Variants in COL4A5 observed in about 807,000 individuals in gnomAD.
COL4A5 encodes the protein collagen type IV alpha 5 chain.
In COL4A5, 26 loss-of-function variants were observed where a neutral mutation model predicts 130.2. The observed-to-expected ratio is 0.20, with a 90% CI of 0.15 to 0.28. COL4A5 has a LOEUF of 0.28. Ranked by LOEUF, COL4A5 falls within the 10% of genes least tolerant of loss-of-function variation. The pLI, the probability that COL4A5 is intolerant of heterozygous loss-of-function variation, is 1.00. For missense variants in COL4A5, 1,131 were observed against 1,344.3 expected (o/e 0.84, Z 2.48); for synonymous variants, 496 against 439.6 (o/e 1.13, Z -1.60).
chrX:108,542,533 G>C (rs2065561663), intron 2 of COL4A5, among the ~76,000 whole-genome samples: 1 of 110,958 alleles, frequency 9.0e-6, no homozygotes, highest in East Asian at 2.8e-4. Flanking sequence ...TTGGTTCCAA[G>C]TCTTTGCTAT....
intron 1 of COL4A5, among the ~76,000 whole-genome samples, chrX:108,526,652 CTTTCTTTCTTCT>C (rs2065323058): frequency 3.7e-5 from 2 of 53,502 alleles, no homozygotes; most frequent in Non-Finnish European, 5.9e-5. Flanking sequence ...TTCTTTCTTT[CTTTCTTTCTTCT>C]TTCTTTCTCT....
intron 1 of COL4A5, among the ~76,000 whole-genome samples, chrX:108,449,091 G>A (rs2064481410): frequency 8.9e-6 from 1 of 111,890 alleles, no homozygotes. Context: ...ATATGTATAT[G>A]CCTACACCAG....
intron 41 of COL4A5, 52 bp downstream of exon 41, chrX:108,668,556 G>A (rs1216524342): frequency 9.1e-6 from 9 of 989,184 alleles, no homozygotes; most frequent in African/African-American, 1.9e-5. Context: ...CATGTATTTC[G>A]TTTTGCTGGC....
At chrX:108,624,810 C>T (rs2067121577) in intron 34 of COL4A5, among the ~76,000 whole-genome samples, 1 of 111,152 alleles carries the variant, frequency 9.0e-6, no homozygotes, top group Admixed American at 9.6e-5. Context: ...TCTTGGTAGT[C>T]AGTTACAGCA....
At chrX:108,477,937 A>G (rs1176319014) in intron 1 of COL4A5, among the ~76,000 whole-genome samples, 2 of 110,660 alleles carry the variant, frequency 1.8e-5, no homozygotes, top group Admixed American at 9.6e-5. Flanking sequence ...CCTATTCTGT[A>G]TTCCCTTTGC....
At chrX:108,528,511 A>G (rs1164870724) in intron 1 of COL4A5, among the ~76,000 whole-genome samples, 1 of 112,786 alleles carries the variant, frequency 8.9e-6, no homozygotes, top group East Asian at 2.8e-4. Flanking sequence ...TAATTCTACA[A>G]CAATAGATCT....
chrX:108,606,986 G>A, intron 29 of COL4A5, 94 bp downstream of exon 29: 1 of 908,752 alleles, frequency 1.1e-6, no homozygotes, highest in South Asian at 2.0e-5. Context: ...CCAATTAACT[G>A]GAAACCCTAT....
intron 1 of COL4A5, among the ~76,000 whole-genome samples, chrX:108,450,825 G>A (rs1338037383): frequency 9.1e-6 from 1 of 110,225 alleles, no homozygotes; most frequent in Non-Finnish European, 1.9e-5. Context: ...AAAAAAGCTA[G>A]TTTTTTTATT....
chrX:108,664,079 G>T, intron 37 of COL4A5, among the ~76,000 whole-genome samples: 1 of 111,350 alleles, frequency 9.0e-6, no homozygotes, highest in Non-Finnish European at 1.9e-5. Context: ...TAGCTACTCG[G>T]GAGGCTGAGG....
At chrX:108,632,073 A>G (rs1406418015) in intron 36 of COL4A5, among the ~76,000 whole-genome samples, 1 of 111,481 alleles carries the variant, frequency 9.0e-6, no homozygotes, top group East Asian at 2.8e-4. Context: ...ACATTGATAG[A>G]CCGCTAGCAA....
chrX:108,496,185 G>A (rs189641202), intron 1 of COL4A5, among the ~76,000 whole-genome samples: 171 of 112,088 alleles, frequency 1.5e-3, no homozygotes, highest in African/African-American at 5.4e-3. Flanking sequence ...TTCTTCTAAT[G>A]TATGCATTTA....
chrX:108,536,857 T>C (rs1355047949), intron 1 of COL4A5, among the ~76,000 whole-genome samples: 2 of 111,609 alleles, frequency 1.8e-5, no homozygotes, highest in East Asian at 5.6e-4. Flanking sequence ...AGCCAAAGAG[T>C]ATGGAAATGA....
chrX:108,572,272 G>A (rs1477400222), intron 8 of COL4A5, among the ~76,000 whole-genome samples: 1 of 111,211 alleles, frequency 9.0e-6, no homozygotes, highest in Non-Finnish European at 1.9e-5. Flanking sequence ...TCCCTGCAAT[G>A]CCCAGAAATA....
chrX:108,492,260 A>G (rs2064999422), intron 1 of COL4A5, among the ~76,000 whole-genome samples: 1 of 111,773 alleles, frequency 8.9e-6, no homozygotes, highest in African/African-American at 3.3e-5. Flanking sequence ...TTGTTGTTCC[A>G]GGCGTTTTAG....
At chrX:108,527,946 G>T (rs1202290831) in intron 1 of COL4A5, among the ~76,000 whole-genome samples, 2 of 111,658 alleles carry the variant, frequency 1.8e-5, no homozygotes, top group Non-Finnish European at 3.8e-5. Flanking sequence ...ACAATTGTCC[G>T]TCCACTGCTA....
chrX:108,516,517 A>G (rs2065222503), intron 1 of COL4A5, among the ~76,000 whole-genome samples: 1 of 111,941 alleles, frequency 8.9e-6, no homozygotes, highest in Non-Finnish European at 1.9e-5. Context: ...AAGATAATGA[A>G]ACACAGGATA....
At chrX:108,685,980 A>G in intron 47 of COL4A5, 51 bp from the exon 48 acceptor site, 1 of 1,014,351 alleles carries the variant, frequency 9.9e-7, no homozygotes, top group South Asian at 1.9e-5. Context: ...AGATCTGTCC[A>G]GATGTGAAAA....
At chrX:108,622,420 C>T (rs974050245) in intron 32 of COL4A5, among the ~76,000 whole-genome samples, 1 of 112,100 alleles carries the variant, frequency 8.9e-6, no homozygotes, top group Non-Finnish European at 1.9e-5. Flanking sequence ...CTTGAGCCAC[C>T]GTGCCCGTCT....
chrX:108,609,209 C>A (rs750794868), intron 29 of COL4A5, among the ~76,000 whole-genome samples: 56 of 111,789 alleles, frequency 5.0e-4, no homozygotes, highest in Non-Finnish European at 5.1e-4. Context: ...AACTACTAGA[C>A]CTTTTTCCAA....
Sources: gnomAD v4.1 joint callset for allele counts (sites outside exome capture counted in the v4.1 genomes callset) on GRCh38, gnomAD v4.1.1 for gene constraint, MANE v1.5 for transcripts, NCBI Gene and HGNC (gene_info 2026-07-23, HGNC 2026-07-21) for gene names.